Variants in DLGAP1 observed in about 807,000 individuals in gnomAD.
DLGAP1 encodes the protein DLG associated protein 1.
Under a neutral mutation model 90.8 loss-of-function variants are expected in DLGAP1, and 11 were observed. The observed-to-expected ratio is 0.12, with a 90% CI of 0.08 to 0.20. The LOEUF is 0.20. Ranked by LOEUF, DLGAP1 falls within the 10% of genes least tolerant of loss-of-function variation. The pLI is 1.00. For missense variants in DLGAP1, 1,050 were observed against 1,333.8 expected (o/e 0.79, Z 3.31); for synonymous variants, 558 against 540.7 (o/e 1.03, Z -0.44).
intron 7 of DLGAP1, among the ~76,000 whole-genome samples, chr18:3,663,270 T>TA (rs377367189): frequency 0.021 from 2,949 of 143,516 alleles, 74 homozygotes; most frequent in Admixed American, 0.079. Flanking sequence ...AGACTCCCCC[T>TA]AAAAAAAAAA....
chr18:3,867,062 C>A (rs1022999036), intron 4 of DLGAP1, among the ~76,000 whole-genome samples: 1 of 152,130 alleles, frequency 6.6e-6, no homozygotes, highest in Non-Finnish European at 1.5e-5. Flanking sequence ...CTATGTTGGC[C>A]ATGCTGGTCT....
chr18:4,391,037 G>A (rs1231515660), intron 1 of DLGAP1, among the ~76,000 whole-genome samples: 9 of 152,098 alleles, frequency 5.9e-5, no homozygotes, highest in South Asian at 2.1e-4. Flanking sequence ...AGCCTATCCC[G>A]ATTGACACAT....
intron 2 of DLGAP1, among the ~76,000 whole-genome samples, chr18:4,033,511 A>C (rs2149133657): frequency 6.6e-6 from 1 of 152,302 alleles, no homozygotes; most frequent in East Asian, 1.9e-4. Flanking sequence ...ACTCAGAAAT[A>C]AAACTGTTGG....
intron 1 of DLGAP1, among the ~76,000 whole-genome samples, chr18:4,441,887 C>G (rs552855299): frequency 4.6e-5 from 7 of 152,344 alleles, no homozygotes; most frequent in Admixed American, 4.6e-4. Context: ...TAGGCATCAG[C>G]AGAATATAGA....
chr18:4,272,865 C>T (rs1013607168), intron 1 of DLGAP1, among the ~76,000 whole-genome samples: 4 of 152,142 alleles, frequency 2.6e-5, no homozygotes, highest in African/African-American at 9.7e-5. Flanking sequence ...CTACATCCAA[C>T]GACAGGTATC....
chr18:4,263,939 T>C (rs1308544346), intron 1 of DLGAP1, among the ~76,000 whole-genome samples: 1 of 152,236 alleles, frequency 6.6e-6, no homozygotes, highest in East Asian at 1.9e-4. Flanking sequence ...GCTCAACTAT[T>C]ATGATAACGA....
At position 3,660,201 on chromosome 18, in the gene DLGAP1, G is replaced by T. The variant is rs1470861109; in HGVS notation, c.1591+68934C>A. Reference sequence around the variant, plus strand: ...TTTTTTAAAAGGATTGGGGGTGGGGGTCTCACTTTGTTGGCCAGCCTGGCC... The same window carrying T: ...TTTTTTAAAAGGATTGGGGGTGGGGTTCTCACTTTGTTGGCCAGCCTGGCC... On this transcript the variant is annotated intron_variant, in intron 7 of 12. Transcript: ENST00000315677. This position sits in a 1 kb window ranked among gnomAD's most constrained non-coding sequence, Gnocchi z 4.2. Among the ~76,000 whole-genome samples, 1 of 152,116 alleles carries T rather than the reference G, an allele frequency of 6.6e-6. No homozygotes were observed. Among genetic ancestry groups the T allele is most frequent in the Non-Finnish European group, 1.5e-5 (1 of 68,048 alleles).
At chr18:3,509,323 T>C (rs1433321533) in intron 10 of DLGAP1, among the ~76,000 whole-genome samples, 1 of 152,158 alleles carries the variant, frequency 6.6e-6, no homozygotes, top group Non-Finnish European at 1.5e-5. Flanking sequence ...AATCATTTTG[T>C]TAATATAGGG....
chr18:3,975,700 C>T (rs993593976), intron 3 of DLGAP1, among the ~76,000 whole-genome samples: 1 of 152,020 alleles, frequency 6.6e-6, no homozygotes, highest in Non-Finnish European at 1.5e-5. Context: ...TGAATGGATA[C>T]AAAATGTGAT....
At chr18:4,249,447 CAAAAAAAA>C (rs11301773) in intron 1 of DLGAP1, among the ~76,000 whole-genome samples, 9 of 101,624 alleles carry the variant, frequency 8.9e-5, no homozygotes, top group East Asian at 2.7e-4. Context: ...AATGTTCTGG[CAAAAAAAA>C]AAAAAAAAAA....
At chr18:4,054,532 G>T (rs2075184287) in intron 2 of DLGAP1, among the ~76,000 whole-genome samples, 1 of 152,180 alleles carries the variant, frequency 6.6e-6, no homozygotes, top group South Asian at 2.1e-4. Flanking sequence ...CAACAGGGAT[G>T]TGCCATTCCT....
At chr18:3,845,394 G>C in intron 4 of DLGAP1, 2 of 1,415,058 alleles carry the variant, frequency 1.4e-6, no homozygotes, top group Non-Finnish European at 1.9e-6. Flanking sequence ...ACTTGGGGGT[G>C]GGGGGAGAGT....
intron 2 of DLGAP1, among the ~76,000 whole-genome samples, chr18:4,009,162 C>T (rs2149091355): frequency 6.6e-6 from 1 of 152,216 alleles, no homozygotes; most frequent in East Asian, 1.9e-4. Context: ...CTCGGCCTCC[C>T]GAAGTGCTGG....
intron 3 of DLGAP1, among the ~76,000 whole-genome samples, chr18:3,946,822 T>C (rs903352705): frequency 6.6e-6 from 1 of 152,200 alleles, no homozygotes; most frequent in African/African-American, 2.4e-5. Context: ...AAAATTCACC[T>C]TGAATTTTGA....
intron 3 of DLGAP1, among the ~76,000 whole-genome samples, chr18:3,898,898 G>C (rs1568288232): frequency 6.6e-6 from 1 of 151,754 alleles, no homozygotes; most frequent in Non-Finnish European, 1.5e-5. Context: ...CTACACTTTA[G>C]ATAGGCCATT....
chr18:3,748,583 G>C (rs1178235724), intron 5 of DLGAP1, among the ~76,000 whole-genome samples: 1 of 152,210 alleles, frequency 6.6e-6, no homozygotes, highest in Non-Finnish European at 1.5e-5. Context: ...GCTCTTCCAT[G>C]GGACCCAGAG....
chr18:3,973,243 G>T (rs1208265561), intron 3 of DLGAP1, among the ~76,000 whole-genome samples: 1 of 94,836 alleles, frequency 1.1e-5, no homozygotes, highest in Non-Finnish European at 2.1e-5. Context: ...TATCTAATTA[G>T]AAAAAAACCA....
intron 2 of DLGAP1, among the ~76,000 whole-genome samples, chr18:4,054,018 G>C (rs905153229): frequency 6.6e-6 from 1 of 152,174 alleles, no homozygotes; most frequent in African/African-American, 2.4e-5. Flanking sequence ...ATTAAGCAGA[G>C]AGCAACCTGA....
At chr18:4,312,327 C>T (rs1365303734) in intron 1 of DLGAP1, among the ~76,000 whole-genome samples, 2 of 152,132 alleles carry the variant, frequency 1.3e-5, no homozygotes, top group African/African-American at 4.8e-5. Context: ...AGAATTTGAA[C>T]ATGGTCTTAC....
Sources: gnomAD v4.1 joint callset for allele counts (sites outside exome capture counted in the v4.1 genomes callset) on GRCh38, gnomAD v4.1.1 for gene constraint, Gnocchi (gnomAD v3.1) non-coding constraint, MANE v1.5 for transcripts, NCBI Gene and HGNC (gene_info 2026-07-23, HGNC 2026-07-21) for gene names.